Variants in CEP128 observed in about 807,000 individuals in gnomAD.
The protein encoded by CEP128 is centrosomal protein 128, also known as centrosomal protein 128kDa.
CEP128 carries 132 observed loss-of-function variants against 156.7 expected under a neutral mutation model. The observed-to-expected ratio is 0.84, with a 90% confidence interval of 0.73 to 0.97. The LOEUF (loss-of-function observed/expected upper bound fraction) is 0.97. Among genes scored for constraint, CEP128 ranks in the 50% least tolerant of loss-of-function variants. CEP128 has a pLI of 0.00. For synonymous variants in CEP128, 469 were observed against 448.9 expected (o/e 1.04, Z -0.57); for missense variants, 1,252 against 1,281.9 (o/e 0.98, Z 0.36).
At chr14:80,662,135 T>A (rs1325803356) in intron 19 of CEP128, among the ~76,000 whole-genome samples, 1 of 152,102 alleles carries the variant, frequency 6.6e-6, no homozygotes, top group Admixed American at 6.6e-5. Flanking sequence ...TGTATCAGAG[T>A]ACATTTGTTG....
At chr14:80,599,265 CTTTTTTTTTT>C (rs375136337) in intron 19 of CEP128, among the ~76,000 whole-genome samples, 1 of 85,406 alleles carries the variant, frequency 1.2e-5, no homozygotes, top group Non-Finnish European at 2.1e-5. Flanking sequence ...CAGTCATATT[CTTTTTTTTTT>C]TTTTTTTTTT....
rs575502645 is a variant in CEP128 at position 80,682,119 on chromosome 14, A to G, written c.2806+60956T>C. On this transcript the variant is annotated intron_variant, in intron 19 of 24. Transcript: ENST00000555265. ...TAAGACCCTTTCCCCCCACAAAAAA[A>G]TAAAAAAGGAAAAAAGAAAAATAAT... is the stretch of plus-strand genomic sequence containing the variant. Among the ~76,000 whole-genome samples, 5 of 152,318 alleles carry G rather than the reference A, an allele frequency of 3.3e-5. No homozygotes were observed. The East Asian group carries it at 5.8e-4, about 18-fold the overall frequency.
intron 8 of CEP128, among the ~76,000 whole-genome samples, chr14:80,876,520 C>G (rs1888290975): frequency 1.3e-5 from 2 of 151,390 alleles, no homozygotes; most frequent in South Asian, 4.2e-4. Flanking sequence ...TCGCGTGAAA[C>G]TGGGAGGCAA....
chr14:80,555,176 CAG>C (rs1491564954), intron 21 of CEP128, among the ~76,000 whole-genome samples: 4 of 152,030 alleles, frequency 2.6e-5, no homozygotes, highest in Non-Finnish European at 5.9e-5. Context: ...TATGAACCGA[CAG>C]GGGAAAAAAA....
At chr14:80,745,675 T>C (rs1229710454) in intron 18 of CEP128, among the ~76,000 whole-genome samples, 3 of 152,130 alleles carry the variant, frequency 2.0e-5, no homozygotes, top group African/African-American at 7.2e-5. Context: ...GTCTGAATGC[T>C]TTCTCACTAA....
At chr14:80,821,032 T>C (rs192679273) in intron 13 of CEP128, among the ~76,000 whole-genome samples, 1 of 152,224 alleles carries the variant, frequency 6.6e-6, no homozygotes, top group Non-Finnish European at 1.5e-5. Flanking sequence ...TCATATGTTA[T>C]GTATTAGGAA....
chr14:80,529,180 T>C (rs1594952754), intron 22 of CEP128, among the ~76,000 whole-genome samples: 1 of 152,326 alleles, frequency 6.6e-6, no homozygotes, highest in Non-Finnish European at 1.5e-5. Context: ...TTAGGAAACA[T>C]GTACCATAAA....
intron 21 of CEP128, among the ~76,000 whole-genome samples, chr14:80,557,220 T>C (rs1031792665): frequency 1.4e-4 from 21 of 152,192 alleles, no homozygotes; most frequent in Non-Finnish European, 1.8e-4. Context: ...CAAATAATCA[T>C]TGTTGCTGAT....
chr14:80,762,989 T>C (rs1288604597), intron 16 of CEP128, among the ~76,000 whole-genome samples: 1 of 152,156 alleles, frequency 6.6e-6, no homozygotes, highest in Non-Finnish European at 1.5e-5. Context: ...ATTAACTACA[T>C]TCATTTACGA....
upstream of CEP128, among the ~76,000 whole-genome samples, chr14:80,942,868 G>C (rs553623845): frequency 1.3e-5 from 2 of 151,142 alleles, no homozygotes; most frequent in Admixed American, 1.3e-4. Context: ...TAAATAATTA[G>C]CACATAAATT....
intron 18 of CEP128, among the ~76,000 whole-genome samples, chr14:80,748,625 T>C (rs773560683): frequency 2.6e-5 from 4 of 152,126 alleles, no homozygotes; most frequent in Non-Finnish European, 4.4e-5. Context: ...GAGAGAGGAA[T>C]CAGTAATGGT....
chr14:80,603,365 T>A (rs540367628), intron 19 of CEP128, among the ~76,000 whole-genome samples: 2 of 152,306 alleles, frequency 1.3e-5, no homozygotes, highest in East Asian at 3.9e-4. Context: ...TGGGAGTAAC[T>A]GTTAATAATT....
At chr14:80,675,944 T>A (rs975906172) in intron 19 of CEP128, among the ~76,000 whole-genome samples, 1 of 152,118 alleles carries the variant, frequency 6.6e-6, no homozygotes, top group African/African-American at 2.4e-5. Flanking sequence ...GCCACACTAG[T>A]CTTGATAACT....
At chr14:80,816,105 A>G (rs1312587692) in intron 13 of CEP128, among the ~76,000 whole-genome samples, 2 of 152,146 alleles carry the variant, frequency 1.3e-5, no homozygotes, top group Admixed American at 1.3e-4. Context: ...ATTTGTATAC[A>G]TTTTTTAAAG....
At chr14:80,584,347 T>C (rs950532858) in intron 19 of CEP128, among the ~76,000 whole-genome samples, 1 of 151,950 alleles carries the variant, frequency 6.6e-6, no homozygotes, top group Non-Finnish European at 1.5e-5. Context: ...GGTTTTACCA[T>C]GTTAGATGGG....
rs533375699 is a variant in CEP128, at chr14:80,625,183, TTTG to T, written c.2807-44763_2807-44761del. Among the ~76,000 whole-genome samples the T allele has an allele frequency of 1.6e-3, 247 of 152,326 alleles. No homozygotes were observed. The Middle Eastern group carries it at 0.024, about 15-fold the overall frequency. On this transcript the variant is annotated intron_variant, in intron 19 of 24. Transcript: ENST00000555265. ...CAGAACTCTTTATTAACGAGGCACT[TTTG>T]TTAACACTTTATTAACGAGACACAT...
At chr14:80,697,900 C>G (rs900146723) in intron 19 of CEP128, among the ~76,000 whole-genome samples, 4 of 151,784 alleles carry the variant, frequency 2.6e-5, no homozygotes, top group Non-Finnish European at 5.9e-5. Flanking sequence ...TGTATATGCA[C>G]ACATATATAT....
chr14:80,917,868 G>A (rs1449124902), intron 2 of CEP128, among the ~76,000 whole-genome samples: 1 of 152,148 alleles, frequency 6.6e-6, no homozygotes, highest in Non-Finnish European at 1.5e-5. Flanking sequence ...AAGAACTCTT[G>A]CCATAAGGTT....
At chr14:80,785,908 C>G (rs906560805) in intron 14 of CEP128, among the ~76,000 whole-genome samples, 5 of 152,106 alleles carry the variant, frequency 3.3e-5, no homozygotes, top group Non-Finnish European at 7.4e-5. Flanking sequence ...AAATAATACA[C>G]TATTACCTAA....
Sources: allele counts gnomAD v4.1 joint callset (sites outside exome capture counted in the v4.1 genomes callset), GRCh38; gene constraint gnomAD v4.1.1; transcripts MANE v1.5; gene names NCBI Gene and HGNC (gene_info 2026-07-23, HGNC 2026-07-21).